MTFR1: variants seen among roughly 807,000 people sequenced by gnomAD.
MTFR1 encodes mitochondrial fission regulator 1, also known as chondrocyte protein with a poly-proline region.
MTFR1 carries 28 observed loss-of-function variants against 38.8 expected under a neutral mutation model. The ratio of observed to expected loss-of-function variants is 0.72; its 90% CI spans 0.53 to 0.99. MTFR1 has a LOEUF of 0.99. MTFR1 is among the 50% of genes least tolerant of loss of function. The probability of loss-of-function intolerance (pLI) is 0.00; values close to 1 mark genes in which losing one functional copy is unlikely to be tolerated. For synonymous variants in MTFR1, 145 were observed against 137.0 expected (o/e 1.06, Z -0.41); for missense variants, 358 against 395.5 (o/e 0.91, Z 0.81).
intron 3 of MTFR1, among the ~76,000 whole-genome samples, chr8:65,746,578 C>A (rs561251854): frequency 6.6e-6 from 1 of 152,084 alleles, no homozygotes; most frequent in African/African-American, 2.4e-5. Context: ...TTAACCTGAA[C>A]CTTTTGTGGA....
intron 2 of MTFR1, chr8:65,681,916 T>G (rs1284154134): frequency 2.0e-5 from 3 of 153,052 alleles, no homozygotes; most frequent in Admixed American, 1.3e-4. Flanking sequence ...CTGAACTTTG[T>G]ACTAATTTGG....
chr8:65,755,540 C>G (rs1430082774), intron 3 of MTFR1, among the ~76,000 whole-genome samples: 1 of 152,192 alleles, frequency 6.6e-6, no homozygotes. Context: ...CAATCCTCCT[C>G]CTTCCTATTG....
At chr8:65,705,268 G>A (rs1223644626) in intron 5 of MTFR1, among the ~76,000 whole-genome samples, 1 of 152,210 alleles carries the variant, frequency 6.6e-6, no homozygotes, top group African/African-American at 2.4e-5. Flanking sequence ...AGAACCAAGT[G>A]AGCCAAGATC....
intron 4 of MTFR1, among the ~76,000 whole-genome samples, chr8:65,704,148 A>G (rs1426275240): frequency 1.3e-5 from 2 of 152,194 alleles, no homozygotes; most frequent in Non-Finnish European, 2.9e-5. Flanking sequence ...AAAGACAGAA[A>G]AGTAGTATAA....
chr8:65,691,275 G>A (rs1337740698), intron 3 of MTFR1, among the ~76,000 whole-genome samples: 1 of 151,890 alleles, frequency 6.6e-6, no homozygotes, highest in Non-Finnish European at 1.5e-5. Flanking sequence ...TTGTTTTTGT[G>A]GAAGGCAAGA....
At chr8:65,670,932 C>T (rs993863145) in intron 2 of MTFR1, among the ~76,000 whole-genome samples, 6 of 152,154 alleles carry the variant, frequency 3.9e-5, no homozygotes, top group Non-Finnish European at 7.4e-5. Flanking sequence ...TCTTGAACCC[C>T]TGACTGCCCA....
chr8:65,669,531 G>T (rs995336595), intron 1 of MTFR1, among the ~76,000 whole-genome samples: 1 of 151,438 alleles, frequency 6.6e-6, no homozygotes, highest in Non-Finnish European at 1.5e-5. Flanking sequence ...AGCAAATCTT[G>T]TTTTCTCTTA....
chr8:65,672,618 C>G (rs1014929896), intron 2 of MTFR1, among the ~76,000 whole-genome samples: 1 of 152,098 alleles, frequency 6.6e-6, no homozygotes, highest in Non-Finnish European at 1.5e-5. Flanking sequence ...TCAGGTGATT[C>G]TCCTGCCTCA....
At chr8:65,744,492 C>T (rs1054289368) in intron 3 of MTFR1, among the ~76,000 whole-genome samples, 1 of 152,098 alleles carries the variant, frequency 6.6e-6, no homozygotes, top group Non-Finnish European at 1.5e-5. Flanking sequence ...GAAAACATGA[C>T]CCCTCCATCC....
intron 3 of MTFR1, among the ~76,000 whole-genome samples, chr8:65,738,283 T>C (rs887428361): frequency 5.9e-5 from 9 of 152,028 alleles, no homozygotes; most frequent in Non-Finnish European, 1.2e-4. Context: ...CCAAATAAAT[T>C]ACAAATTAAG....
chr8:65,682,792 A>T (rs1410338517), intron 3 of MTFR1: 17 of 985,024 alleles, frequency 1.7e-5, no homozygotes, highest in Non-Finnish European at 2.0e-5. Flanking sequence ...TTCTTCTGTA[A>T]TTATACCTTC....
At chr8:65,744,100 G>A (rs533944569) in intron 3 of MTFR1, among the ~76,000 whole-genome samples, 10 of 152,156 alleles carry the variant, frequency 6.6e-5, no homozygotes, top group African/African-American at 1.9e-4. Flanking sequence ...GCCAAAGTGC[G>A]GGGATTACAG....
rs775494019 is a variant in MTFR1, at chr8:65,708,025, C to T, written c.933+14C>T. On this transcript the variant is annotated intron_variant, in intron 7 of 7. Coordinates refer to ENST00000262146, the MANE Select transcript of MTFR1 (RefSeq NM_014637.4). ...GAGAGAGTGTTGGTGAGTTATTTGCCCAGATTTCTTTCCTGTTATGTAGAA... is the reference window on the plus strand; with the variant it reads ...GAGAGAGTGTTGGTGAGTTATTTGCTCAGATTTCTTTCCTGTTATGTAGAA... 9 of 1,610,154 alleles carry T rather than the reference C, an allele frequency of 5.6e-6. No individual in the cohort carries two copies. The highest frequency in any genetic ancestry group is 5.5e-5 in the South Asian group (5 of 91,066).
chr8:65,671,260 G>A (rs1056133373), intron 2 of MTFR1, among the ~76,000 whole-genome samples: 17 of 152,130 alleles, frequency 1.1e-4, no homozygotes, highest in Non-Finnish European at 1.9e-4. Flanking sequence ...GTGGCCAGTC[G>A]CAGTGCTCAG....
intron 3 of MTFR1, among the ~76,000 whole-genome samples, chr8:65,736,567 A>G (rs1233909030): frequency 6.6e-6 from 1 of 152,008 alleles, no homozygotes; most frequent in Non-Finnish European, 1.5e-5. Context: ...AGCCTAGGCC[A>G]TTAGCAAGAC....
At chr8:65,740,996 T>C (rs1807403775) in intron 3 of MTFR1, among the ~76,000 whole-genome samples, 1 of 152,216 alleles carries the variant, frequency 6.6e-6, no homozygotes, top group Admixed American at 6.5e-5. Flanking sequence ...CGTCCACTCC[T>C]TTGTCACTAA....
intron 6 of MTFR1, 37 bp downstream of exon 6, chr8:65,707,293 T>C: frequency 1.3e-6 from 2 of 1,591,834 alleles, no homozygotes; most frequent in African/African-American, 1.3e-5. Flanking sequence ...CCCCATTTGT[T>C]TGTCTTATAA....
intron 3 of MTFR1, among the ~76,000 whole-genome samples, chr8:65,755,318 G>C (rs1289220370): frequency 6.6e-6 from 1 of 152,050 alleles, no homozygotes; most frequent in Non-Finnish European, 1.5e-5. Context: ...ATCATGCCCG[G>C]CCCATTATTG....
chr8:65,726,826 T>G (rs764523057), intron 3 of MTFR1: 2 of 978,352 alleles, frequency 2.0e-6, no homozygotes, highest in East Asian at 4.9e-5. Context: ...CTTTGCCAAC[T>G]TAACTTCTAT....
Sources: gnomAD v4.1 joint callset for allele counts (sites outside exome capture counted in the v4.1 genomes callset) on GRCh38, gnomAD v4.1.1 for gene constraint, MANE v1.5 for transcripts, NCBI Gene and HGNC (gene_info 2026-07-23, HGNC 2026-07-21) for gene names.